The following ANK3 variants were observed in gnomAD, a reference collection of about 807,000 sequenced individuals.
ANK3 encodes the protein ankyrin-3.
ANK3 carries 57 observed loss-of-function variants against 370.9 expected under a neutral mutation model. The observed-to-expected ratio is 0.15, with a 90% CI of 0.12 to 0.19. The LOEUF is 0.19. Ranked by LOEUF, ANK3 falls within the 10% of genes least tolerant of loss-of-function variation. The pLI is 1.00. For synonymous variants in ANK3, 1,929 were observed against 1,946.3 expected, an observed-to-expected ratio of 0.99 and a Z score of 0.23; for missense variants, 4,439 against 5,302.1, an observed-to-expected ratio of 0.84 and a Z score of 5.06.
chr10:60,402,555 A>G (rs1441755764), intron 2 of ANK3, among the ~76,000 whole-genome samples: 1 of 152,228 alleles, frequency 6.6e-6, no homozygotes, highest in African/African-American at 2.4e-5. Context: ...TTTCCTCCCT[A>G]TAAGTCTGAG....
At chr10:60,261,979 C>T in intron 6 of ANK3, 22 bp from the exon 7 acceptor site, 2 of 1,592,046 alleles carry the variant, frequency 1.3e-6, no homozygotes, top group Non-Finnish European at 1.7e-6. Flanking sequence ...ACATAGCAGA[C>T]ATTCAATTGA....
In ANK3 at chr10:60,127,758, G is replaced by A. The variant is rs185125703; in HGVS notation, c.2841+6513C>T. ...CTGTCTCCCAGGCTGGAGTGCAGTG[G>A]TGCGATCTCGGCTCACTGCAACCTC... On this transcript the variant is annotated intron_variant, in intron 25 of 43. Coordinates refer to ENST00000280772, the MANE Select transcript of ANK3 (RefSeq NM_020987.5). Among the ~76,000 whole-genome samples, 16 of 149,546 alleles carry A rather than the reference G, an allele frequency of 1.1e-4. No individual in the cohort carries two copies. The East Asian group carries it at 3.0e-3, about 28-fold the overall frequency.
At chr10:60,054,530 T>A (rs898836979) in intron 42 of ANK3, among the ~76,000 whole-genome samples, 40 of 151,874 alleles carry the variant, frequency 2.6e-4, no homozygotes, top group African/African-American at 9.7e-4. Context: ...GAAAAAAAAA[T>A]AGATGATCTA....
intron 1 of ANK3, among the ~76,000 whole-genome samples, chr10:60,338,080 G>A (rs1438429412): frequency 6.6e-6 from 1 of 152,166 alleles, no homozygotes; most frequent in South Asian, 2.1e-4. Context: ...ATGTACCTGT[G>A]TTCCTGTTAC....
At chr10:60,541,429 G>A (rs1489042826) in intron 2 of ANK3, among the ~76,000 whole-genome samples, 1 of 151,910 alleles carries the variant, frequency 6.6e-6, no homozygotes, top group Non-Finnish European at 1.5e-5. Context: ...AAAATGGCAA[G>A]CAAACTCAGA....
At chr10:60,096,774 ATATT>A (rs1383031891) in intron 28 of ANK3, among the ~76,000 whole-genome samples, 2 of 152,344 alleles carry the variant, frequency 1.3e-5, no homozygotes, top group East Asian at 3.9e-4. Context: ...GCAAAAATAA[ATATT>A]CATTACTTTT....
At chr10:60,152,779 T>C (rs1191328534) in intron 23 of ANK3, among the ~76,000 whole-genome samples, 2 of 152,082 alleles carry the variant, frequency 1.3e-5, no homozygotes, top group Non-Finnish European at 2.9e-5. Flanking sequence ...TAGAACATCA[T>C]CAGCACCTCA....
intron 42 of ANK3, chr10:60,043,429 A>G (rs2131869363): frequency 1.0e-6 from 1 of 984,434 alleles, no homozygotes; most frequent in South Asian, 4.7e-5. Flanking sequence ...TTCTATTTTT[A>G]AATTGAAAAG....
At chr10:60,340,189 T>C (rs1182943089) in intron 1 of ANK3, among the ~76,000 whole-genome samples, 1 of 152,136 alleles carries the variant, frequency 6.6e-6, no homozygotes, top group African/African-American at 2.4e-5. Context: ...AACCTGTGCT[T>C]TAAACAAGCC....
At chr10:60,191,385 GAA>G (rs111768554) in intron 16 of ANK3, among the ~76,000 whole-genome samples, 13 of 147,546 alleles carry the variant, frequency 8.8e-5, no homozygotes, top group East Asian at 4.0e-4. Context: ...AACTCAACAA[GAA>G]AAAAAAAAAT....
At chr10:60,733,121 T>A in intron 1 of ANK3, 1 of 641,820 alleles carries the variant, frequency 1.6e-6, no homozygotes, top group Non-Finnish European at 2.2e-6. Flanking sequence ...CCACTCGCCC[T>A]CCCGGAGCCT....
At chr10:60,694,869 A>C (rs1311784250) in intron 1 of ANK3, among the ~76,000 whole-genome samples, 1 of 149,586 alleles carries the variant, frequency 6.7e-6, no homozygotes, top group Non-Finnish European at 1.5e-5. Context: ...CTAACATCAT[A>C]ATGACAGGAT....
chr10:60,691,964 G>A (rs1015415542), intron 1 of ANK3, among the ~76,000 whole-genome samples: 1 of 151,828 alleles, frequency 6.6e-6, no homozygotes. Context: ...AGTAGGAGGG[G>A]TTGTCAAGAA....
chr10:60,505,385 T>C (rs2075910939), intron 2 of ANK3, among the ~76,000 whole-genome samples: 1 of 152,112 alleles, frequency 6.6e-6, no homozygotes. Flanking sequence ...ACTCATCTCA[T>C]TTGCCTAATA....
intron 28 of ANK3, among the ~76,000 whole-genome samples, chr10:60,098,261 C>A (rs565343104): frequency 6.6e-6 from 1 of 152,252 alleles, no homozygotes; most frequent in African/African-American, 2.4e-5. Context: ...GAGAGTCAAT[C>A]TGTAGCAGAT....
intron 2 of ANK3, among the ~76,000 whole-genome samples, chr10:60,410,347 C>T (rs143501081): frequency 6.6e-6 from 1 of 152,046 alleles, no homozygotes; most frequent in East Asian, 1.9e-4. Flanking sequence ...GATTTCTCCA[C>T]ACCAGGTGTT....
chr10:60,220,634 T>A (rs888472744), intron 8 of ANK3, among the ~76,000 whole-genome samples: 1 of 152,232 alleles, frequency 6.6e-6, no homozygotes. Context: ...TTTGAATCCA[T>A]TGATGACTTG....
chr10:60,037,014 C>T (rs2075154659), intron 43 of ANK3, among the ~76,000 whole-genome samples: 1 of 152,196 alleles, frequency 6.6e-6, no homozygotes, highest in Non-Finnish European at 1.5e-5. Context: ...ACTCATTCCT[C>T]TTCCACTTCT....
At chr10:60,602,887 A>C (rs144458450) in intron 2 of ANK3, among the ~76,000 whole-genome samples, 2 of 152,270 alleles carry the variant, frequency 1.3e-5, no homozygotes, top group Middle Eastern at 3.4e-3. Flanking sequence ...TACAATTTTT[A>C]AATTTTTCAA....
Sources: gnomAD v4.1 joint callset for allele counts (sites outside exome capture counted in the v4.1 genomes callset) on GRCh38, gnomAD v4.1.1 for gene constraint, MANE v1.5 for transcripts, NCBI Gene and HGNC (gene_info 2026-07-23, HGNC 2026-07-21) for gene names.